The following ALKAL1 variants were observed in gnomAD, a reference collection of about 807,000 sequenced individuals.
ALKAL1 encodes the protein AUG-beta.
In ALKAL1, 23 loss-of-function variants were observed where a neutral mutation model predicts 13.5. The ratio of observed to expected loss-of-function variants is 1.70; its 90% CI spans 1.23 to 2.41. ALKAL1 has a LOEUF of 2.41. ALKAL1 is among the 30% of genes most tolerant of loss of function. ALKAL1 has a pLI of 0.00. For synonymous variants in ALKAL1, 85 were observed against 77.7 expected, an observed-to-expected ratio of 1.09 and a Z score of -0.49; for missense variants, 181 against 178.4, an observed-to-expected ratio of 1.01 and a Z score of -0.08.
At chr8:52,564,410 C>T (rs1847580179) in intron 1 of ALKAL1, among the ~76,000 whole-genome samples, 1 of 152,232 alleles carries the variant, frequency 6.6e-6, no homozygotes, top group Non-Finnish European at 1.5e-5. Context: ...CACGACTTCT[C>T]TGCCTGTGGA....
chr8:52,542,401 G>T lies in ALKAL1; in HGVS notation c.235C>A (p.His79Asn). The change falls in exon 2 of 5, where the codon CAT becomes AAT. Residue 79 changes from histidine to asparagine, a missense_variant. Coordinates refer to ENST00000358543, the MANE Select transcript of ALKAL1 (RefSeq NM_207413.4). ...DSNLKDKFIK[H>N]FTGPVTFSPE... ...TACATTTTGTACTTACCTGTGAAAT[G>T]CTTTATGAATTTGTCTTTTAAGTTA... 1 of 1,540,068 alleles carries T rather than the reference G, an allele frequency of 6.5e-7. No individual in the cohort carries two copies. The highest frequency in any genetic ancestry group is 8.9e-7 in the Non-Finnish European group (1 of 1,119,988).
At chr8:52,554,389 T>C (rs1847460892) in intron 1 of ALKAL1, among the ~76,000 whole-genome samples, 1 of 152,238 alleles carries the variant, frequency 6.6e-6, no homozygotes, top group Admixed American at 6.5e-5. Context: ...GTTCTTGGAT[T>C]AGGCAGTGAC....
chr8:52,541,094 T>C lies in ALKAL1; in HGVS notation c.245-1183A>G, dbSNP rs147805537. On this transcript the variant is annotated intron_variant, in intron 2 of 4. Transcript: ENST00000358543. ...AAATAATTCAGTGATTTGCTAGAAA[T>C]TGGGACATAGGACAATGTGCAAATG... 5.9e-4 allele frequency among the ~76,000 whole-genome samples: 90 copies of C among 152,320 alleles called. No individual in the cohort carries two copies. The East Asian group carries it at 9.7e-3, about 16-fold the overall frequency.
At chr8:52,542,645 G>A (rs977003030) in intron 1 of ALKAL1, among the ~76,000 whole-genome samples, 200 bp from the exon 2 acceptor site, 1 of 152,066 alleles carries the variant, frequency 6.6e-6, no homozygotes, top group African/African-American at 2.4e-5. Flanking sequence ...CTTGCTCTAC[G>A]GCATGAAGGG....
At position 52,565,301 on chromosome 8, in the gene ALKAL1, C is replaced by G; in HGVS notation, c.-45G>C. On this transcript the variant is annotated 5_prime_UTR_variant, in exon 1 of 5. Coordinates refer to ENST00000358543, the MANE Select transcript of ALKAL1 (RefSeq NM_207413.4). ...AGAGCGGGAGACTCCGGGAGGATCC[C>G]GACGCAGGTCCGGAGGGTGCGCGGC... 8.0e-7 allele frequency: 1 copy of G among 1,255,590 alleles called. No homozygotes were observed. The allele number at this position is 1,255,590 out of a possible 1,614,324, so 77.8% of individuals were successfully genotyped here. A position where few individuals can be genotyped will look rare whatever the true frequency, so the allele number is the denominator to read the frequency against.
At chr8:52,551,447 C>A (rs541961470) in intron 1 of ALKAL1, among the ~76,000 whole-genome samples, 2 of 151,232 alleles carry the variant, frequency 1.3e-5, no homozygotes, top group African/African-American at 4.9e-5. Context: ...GGCATGCCAC[C>A]ATGCCCGGCT....
chr8:52,538,508 C>A lies in ALKAL1; in HGVS notation c.326-1G>T, dbSNP rs769736765. 1.3e-6 allele frequency: 2 copies of A among 1,597,214 alleles called. No individual in the cohort carries two copies. The highest frequency in any genetic ancestry group is 1.7e-6 in the Non-Finnish European group (2 of 1,166,932). ...AACAATCTAGCACATCTTTTGTAAT[C>A]TAGGAAAAACATTTAAAGGTAAATT... On this transcript the variant is annotated splice_acceptor_variant, in intron 3 of 4. Transcript: ENST00000358543. LOFTEE classifies it high-confidence loss of function.
rs142711863 is a variant in ALKAL1 at position 52,563,363 on chromosome 8, G to A, written c.190+1704C>T. Among the ~76,000 whole-genome samples the A allele has an allele frequency of 1.5e-3, 235 of 152,212 alleles. 1 individual carries two copies. Among genetic ancestry groups the A allele is most frequent in the African/African-American group, 5.2e-3 (218 of 41,538 alleles). On this transcript the variant is annotated intron_variant, in intron 1 of 4. Coordinates refer to ENST00000358543, the MANE Select transcript of ALKAL1 (RefSeq NM_207413.4). The stretch of plus-strand genomic sequence containing the variant: ...GGAAAATGGCTTGAACCCGGGAGGC[G>A]GAGGTTGCAATGAGCCGAGATCACG...
chr8:52,555,180 A>G (rs1051642531), intron 1 of ALKAL1, among the ~76,000 whole-genome samples: 1 of 151,692 alleles, frequency 6.6e-6, no homozygotes, highest in Non-Finnish European at 1.5e-5. Context: ...CAGAAAAAAA[A>G]AAAAAAAAGA....
At chr8:52,562,168 A>G (rs7832793) in intron 1 of ALKAL1, among the ~76,000 whole-genome samples, 10 of 152,264 alleles carry the variant, frequency 6.6e-5, no homozygotes, top group African/African-American at 2.4e-4. Context: ...AGAGAGCAGG[A>G]GCGAAGGTTA....
At chr8:52,552,090 A>G (rs1563322243) in intron 1 of ALKAL1, among the ~76,000 whole-genome samples, 1 of 152,030 alleles carries the variant, frequency 6.6e-6, no homozygotes, top group Non-Finnish European at 1.5e-5. Flanking sequence ...CTTAGTCATC[A>G]TGTCTCCTTA....
At position 52,544,408 on chromosome 8, in the gene ALKAL1, G is replaced by A. The variant is rs565754879; in HGVS notation, c.191-1963C>T. On this transcript the variant is annotated intron_variant, in intron 1 of 4. Transcript: ENST00000358543. ...AGATGGGAATGGGGAAGACTGCAGC[G>A]TGTTCAAGTATTGGGGGAAATGTCC... Among the ~76,000 whole-genome samples the A allele has an allele frequency of 2.6e-5, 4 of 152,332 alleles. No homozygotes were observed. In the South Asian group the frequency reaches 8.3e-4, roughly 32 times the overall value.
At position 52,539,833 on chromosome 8, in the gene ALKAL1, G is replaced by T; in HGVS notation, c.323C>A (p.Ala108Asp). ...YYNTRECSTP[A>D]YYKRCARLLT... ...AAAAACCCACCCAAGTTACTTACAAGCTGGCGTTGAGCACTCCCTGGTATT... is the reference window on the plus strand; with the variant it reads ...AAAAACCCACCCAAGTTACTTACAATCTGGCGTTGAGCACTCCCTGGTATT... The change falls in exon 3 of 5, where the codon GCT becomes GAT. Residue 108 changes from alanine (A) to aspartate (D), a missense_variant and splice_region_variant. Ala to Asp is a moderately radical substitution (Grantham distance 126, BLOSUM62 -2). Transcript: ENST00000358543. 6.3e-7 allele frequency: 1 copy of T among 1,599,542 alleles called. No individual in the cohort carries two copies. Among genetic ancestry groups the T allele is most frequent in the Non-Finnish European group, 8.5e-7 (1 of 1,172,834 alleles).
intron 4 of ALKAL1, among the ~76,000 whole-genome samples, chr8:52,536,198 C>T (rs1354021545): frequency 2.6e-5 from 4 of 152,222 alleles, no homozygotes; most frequent in Non-Finnish European, 4.4e-5. Context: ...CTCGGCGTCC[C>T]AAAGTGCTGG....
rs1847504205 is a variant in ALKAL1, at chr8:52,558,219, G to T, written c.190+6848C>A. ...TTTAATTAGCTGGGCATGGTGGCTT[G>T]TGTCTGTAATCCCAGCTACTTGGGA... On this transcript the variant is annotated intron_variant, in intron 1 of 4. Coordinates refer to ENST00000358543, the MANE Select transcript of ALKAL1 (RefSeq NM_207413.4). 2.0e-5 allele frequency among the ~76,000 whole-genome samples: 3 copies of T among 148,252 alleles called. No individual in the cohort carries two copies. The South Asian group carries it at 6.5e-4, about 32-fold the overall frequency.
At chr8:52,558,768 C>T (rs970501387) in intron 1 of ALKAL1, among the ~76,000 whole-genome samples, 10 of 152,092 alleles carry the variant, frequency 6.6e-5, no homozygotes, top group African/African-American at 2.4e-4. Flanking sequence ...ATAAAGTTTC[C>T]TTTACTGCAG....
At chr8:52,554,220 G>A (rs574983906) in intron 1 of ALKAL1, among the ~76,000 whole-genome samples, 34 of 152,230 alleles carry the variant, frequency 2.2e-4, no homozygotes, top group Non-Finnish European at 2.8e-4. Context: ...GTGAAGCTCC[G>A]TCACACACAC....
At chr8:52,562,432 C>T (rs1257322725) in intron 1 of ALKAL1, among the ~76,000 whole-genome samples, 3 of 152,064 alleles carry the variant, frequency 2.0e-5, no homozygotes, top group African/African-American at 7.2e-5. Flanking sequence ...AATGAGAGGA[C>T]GGATACAGGC....
intron 1 of ALKAL1, among the ~76,000 whole-genome samples, chr8:52,544,349 C>T (rs985352333): frequency 7.2e-5 from 11 of 151,944 alleles, no homozygotes; most frequent in Non-Finnish European, 1.6e-4. Context: ...AGTTGACACC[C>T]GAAGTAACAA....
Sources: allele counts gnomAD v4.1 joint callset (sites outside exome capture counted in the v4.1 genomes callset), GRCh38; gene constraint gnomAD v4.1.1; transcripts MANE v1.5; gene names NCBI Gene and HGNC (gene_info 2026-07-23, HGNC 2026-07-21).